The following WWOX variants were observed in gnomAD, a reference collection of about 807,000 sequenced individuals.
WWOX encodes WW domain-containing oxidoreductase.
Under a neutral mutation model 46.2 loss-of-function variants are expected in WWOX, and 69 were observed. That is an observed-to-expected ratio of 1.49 (90% CI 1.23 to 1.82). WWOX has a LOEUF of 1.82. Ranked by LOEUF, WWOX falls within the 40% of genes most tolerant of loss-of-function variation. The pLI is 0.00. For missense variants in WWOX, 919 were observed against 542.6 expected (o/e 1.69, Z -6.89); for synonymous variants, 359 against 202.6 (o/e 1.77, Z -6.56).
intron 8 of WWOX, among the ~76,000 whole-genome samples, chr16:78,587,066 C>T (rs773176165): frequency 6.6e-6 from 1 of 152,110 alleles, no homozygotes; most frequent in Non-Finnish European, 1.5e-5. Context: ...CACCCTGTTG[C>T]CCAGGCTGGA....
At chr16:78,549,053 C>T (rs2044115545) in intron 8 of WWOX, among the ~76,000 whole-genome samples, 1 of 152,018 alleles carries the variant, frequency 6.6e-6, no homozygotes, top group Non-Finnish European at 1.5e-5. Context: ...AATATTTGAA[C>T]TTATTTTTAG....
intron 8 of WWOX, among the ~76,000 whole-genome samples, chr16:78,595,483 C>T (rs928018091): frequency 3.9e-5 from 6 of 152,184 alleles, no homozygotes; most frequent in African/African-American, 1.4e-4. Flanking sequence ...AACTAACATA[C>T]TCACTCATGA....
At chr16:78,267,328 C>T (rs1484963029) in intron 5 of WWOX, among the ~76,000 whole-genome samples, 4 of 152,120 alleles carry the variant, frequency 2.6e-5, no homozygotes, top group Non-Finnish European at 4.4e-5. Flanking sequence ...TGTGGTCACA[C>T]GGATATTAAT....
At chr16:78,732,895 CT>C (rs1203033563) in intron 8 of WWOX, among the ~76,000 whole-genome samples, 1 of 152,166 alleles carries the variant, frequency 6.6e-6, no homozygotes, top group Non-Finnish European at 1.5e-5. Context: ...AGAATAAGCG[CT>C]GTGTTTCGCA....
At chr16:78,267,924 C>G (rs2079402102) in intron 5 of WWOX, among the ~76,000 whole-genome samples, 1 of 152,136 alleles carries the variant, frequency 6.6e-6, no homozygotes, top group African/African-American at 2.4e-5. Context: ...CTCAAGTGAT[C>G]CTCCCACCTC....
chr16:79,018,749 A>C (rs142833991), intron 8 of WWOX, among the ~76,000 whole-genome samples: 1 of 152,118 alleles, frequency 6.6e-6, no homozygotes, highest in African/African-American at 2.4e-5. Flanking sequence ...GGTCTTTCCT[A>C]TTTTCGGCAA....
chr16:78,391,207 G>C (rs754445342), intron 6 of WWOX, among the ~76,000 whole-genome samples: 8 of 152,196 alleles, frequency 5.3e-5, no homozygotes, highest in Non-Finnish European at 8.8e-5. Context: ...AGGCTGCAAA[G>C]GAGGCTGTTG....
intron 8 of WWOX, among the ~76,000 whole-genome samples, chr16:79,071,576 A>G (rs1014829250): frequency 6.6e-6 from 1 of 152,232 alleles, no homozygotes; most frequent in African/African-American, 2.4e-5. Flanking sequence ...GAAAGGCTTC[A>G]CTGGCTCTCT....
chr16:79,014,524 G>C (rs1295909163), intron 8 of WWOX, among the ~76,000 whole-genome samples: 1 of 152,178 alleles, frequency 6.6e-6, no homozygotes, highest in East Asian at 1.9e-4. Flanking sequence ...ATCCTTCTAA[G>C]ATTTTTCAAT....
At chr16:78,546,436 T>A (rs2044033558) in intron 8 of WWOX, among the ~76,000 whole-genome samples, 1 of 152,208 alleles carries the variant, frequency 6.6e-6, no homozygotes, top group Non-Finnish European at 1.5e-5. Context: ...GGCAAGAGAT[T>A]GTTCAAAAGA....
intron 8 of WWOX, among the ~76,000 whole-genome samples, chr16:78,546,568 A>C (rs142588573): frequency 3.9e-4 from 59 of 152,360 alleles, no homozygotes; most frequent in African/African-American, 1.2e-3. Flanking sequence ...GAAATAATTA[A>C]TTCTCAAAAC....
intron 8 of WWOX, among the ~76,000 whole-genome samples, chr16:78,726,702 G>A (rs2048845211): frequency 7.3e-6 from 1 of 137,548 alleles, no homozygotes; most frequent in African/African-American, 3.0e-5. Flanking sequence ...TAGTTGGTTG[G>A]TTGGTTTTGT....
intron 5 of WWOX, among the ~76,000 whole-genome samples, chr16:78,185,779 G>T (rs887171778): frequency 2.0e-5 from 3 of 152,032 alleles, no homozygotes; most frequent in African/African-American, 4.8e-5. Flanking sequence ...TGATTCTCCC[G>T]TCTCAGCCTC....
intron 8 of WWOX, among the ~76,000 whole-genome samples, chr16:78,671,666 G>A (rs2047468333): frequency 6.6e-6 from 1 of 152,166 alleles, no homozygotes; most frequent in South Asian, 2.1e-4. Context: ...AAATGAGACA[G>A]TGTATGTAAA....
intron 8 of WWOX, chr16:78,551,398 T>C (rs1260265614): frequency 6.6e-6 from 1 of 152,176 alleles, no homozygotes; most frequent in Non-Finnish European, 1.5e-5. Context: ...AACCTTTACA[T>C]TGACCCAGTG....
chr16:78,451,087 T>C (rs572852414), intron 8 of WWOX, among the ~76,000 whole-genome samples: 3 of 152,322 alleles, frequency 2.0e-5, no homozygotes, highest in African/African-American at 7.2e-5. Context: ...CATCTTCCGA[T>C]GTCACATTAT....
chr16:78,497,283 C>A (rs1234512253), intron 8 of WWOX, among the ~76,000 whole-genome samples: 1 of 152,156 alleles, frequency 6.6e-6, no homozygotes, highest in Non-Finnish European at 1.5e-5. Flanking sequence ...AGAATTTGTT[C>A]TTTTCTTACC....
chr16:78,716,752 C>T (rs940634561), intron 8 of WWOX, among the ~76,000 whole-genome samples: 20 of 152,198 alleles, frequency 1.3e-4, no homozygotes, highest in African/African-American at 4.6e-4. Flanking sequence ...CGTCTCTATT[C>T]GAATTGCAGG....
chr16:78,549,531 C>T (rs1321292357), intron 8 of WWOX, among the ~76,000 whole-genome samples: 1 of 152,136 alleles, frequency 6.6e-6, no homozygotes, highest in Non-Finnish European at 1.5e-5. Flanking sequence ...CTGTGTGTCT[C>T]CTTTTTGTCC....
Sources: allele counts gnomAD v4.1 joint callset (sites outside exome capture counted in the v4.1 genomes callset), GRCh38; gene constraint gnomAD v4.1.1; transcripts MANE v1.5; gene names NCBI Gene and HGNC (gene_info 2026-07-23, HGNC 2026-07-21).